Variants in FRMD4A observed in about 807,000 individuals in gnomAD.
FRMD4A encodes FERM domain containing 4A, also known as FERM domain-containing protein 4A.
In FRMD4A, 29 loss-of-function variants were observed where a neutral mutation model predicts 129.1. The ratio of observed to expected loss-of-function variants is 0.22; its 90% CI spans 0.17 to 0.31. The LOEUF is 0.31. FRMD4A is among the 10% of genes least tolerant of loss of function. FRMD4A has a pLI of 1.00. For missense variants in FRMD4A, 1,272 were observed against 1,375.8 expected, an observed-to-expected ratio of 0.92 and a Z score of 1.19; for synonymous variants, 634 against 571.6, an observed-to-expected ratio of 1.11 and a Z score of -1.56.
chr10:13,883,958 G>A (rs555919257), intron 2 of FRMD4A, among the ~76,000 whole-genome samples: 64 of 152,102 alleles, frequency 4.2e-4, no homozygotes, highest in Non-Finnish European at 5.4e-4. Flanking sequence ...CTCTCGTTCT[G>A]ACTTTATTTA....
At chr10:13,718,841 TCA>T in intron 12 of FRMD4A, among the ~76,000 whole-genome samples, 1 of 152,354 alleles carries the variant, frequency 6.6e-6, no homozygotes, top group African/African-American at 2.4e-5. Flanking sequence ...AAAGCAATGA[TCA>T]TGTGGTGCCG....
chr10:13,739,345 C>T (rs190283449), intron 11 of FRMD4A, among the ~76,000 whole-genome samples: 2 of 152,292 alleles, frequency 1.3e-5, no homozygotes, highest in African/African-American at 2.4e-5. Context: ...AACCCAATGC[C>T]ACTGCAACAG....
chr10:14,247,620 G>T (rs2132015272), intron 2 of FRMD4A, among the ~76,000 whole-genome samples: 1 of 152,270 alleles, frequency 6.6e-6, no homozygotes, highest in East Asian at 1.9e-4. Context: ...GGCAGAGGAA[G>T]CTGATACCAA....
At chr10:14,032,665 C>T (rs1833302345) in intron 2 of FRMD4A, among the ~76,000 whole-genome samples, 2 of 152,232 alleles carry the variant, frequency 1.3e-5, no homozygotes, top group South Asian at 4.1e-4. Context: ...CACCCTAAGA[C>T]GCCCACCCTT....
At chr10:13,969,680 C>T (rs2095506203) in intron 2 of FRMD4A, among the ~76,000 whole-genome samples, 2 of 152,062 alleles carry the variant, frequency 1.3e-5, no homozygotes, top group Admixed American at 6.6e-5. Context: ...GTGAGACCCC[C>T]ATCTCTACAA....
chr10:13,900,373 A>T (rs1048742813), intron 2 of FRMD4A, among the ~76,000 whole-genome samples: 24 of 152,308 alleles, frequency 1.6e-4, no homozygotes, highest in African/African-American at 5.8e-4. Flanking sequence ...GGGAATCATG[A>T]TTTAGACTGC....
At chr10:14,207,820 C>T (rs1051734811) in intron 2 of FRMD4A, among the ~76,000 whole-genome samples, 1 of 152,072 alleles carries the variant, frequency 6.6e-6, no homozygotes, top group Non-Finnish European at 1.5e-5. Context: ...CCTCTTTATA[C>T]TGTTTACATT....
chr10:14,101,505 G>T (rs2131775644), intron 2 of FRMD4A, among the ~76,000 whole-genome samples: 1 of 152,256 alleles, frequency 6.6e-6, no homozygotes, highest in East Asian at 1.9e-4. Context: ...GTGTGAATTA[G>T]TTTCAACACA....
At chr10:14,048,892 GAATAGAATAGAAAATAA>G (rs1565211167) in intron 2 of FRMD4A, among the ~76,000 whole-genome samples, 9 of 97,158 alleles carry the variant, frequency 9.3e-5, no homozygotes, top group African/African-American at 4.0e-4. Flanking sequence ...GAATAGAATA[GAATAGAATAGAAAATAA>G]AATGAAATAT....
chr10:14,124,217 T>C (rs1838699823), intron 2 of FRMD4A, among the ~76,000 whole-genome samples: 1 of 152,200 alleles, frequency 6.6e-6, no homozygotes, highest in Admixed American at 6.5e-5. Flanking sequence ...AATTCCAGCT[T>C]TCTCAAAATC....
intron 2 of FRMD4A, among the ~76,000 whole-genome samples, chr10:13,983,752 C>T (rs2095570714): frequency 6.6e-6 from 1 of 151,964 alleles, no homozygotes; most frequent in Non-Finnish European, 1.5e-5. Flanking sequence ...GTAATCCCAG[C>T]TCTTTGGGAG....
intron 2 of FRMD4A, among the ~76,000 whole-genome samples, chr10:13,905,756 C>T (rs559080411): frequency 6.6e-6 from 1 of 152,276 alleles, no homozygotes; most frequent in South Asian, 2.1e-4. Flanking sequence ...TAGAAGGAAG[C>T]AGATTTGTAT....
intron 6 of FRMD4A, among the ~76,000 whole-genome samples, chr10:13,780,048 G>A (rs7908603): frequency 0.089 from 13,558 of 152,100 alleles, 1,791 homozygotes; most frequent in African/African-American, 0.29. Flanking sequence ...TTTTAGGGCC[G>A]GGCAAGGTGG....
chr10:13,931,775 T>TTAA (rs749294138), intron 2 of FRMD4A, among the ~76,000 whole-genome samples: 10 of 129,282 alleles, frequency 7.7e-5, no homozygotes, highest in Non-Finnish European at 9.6e-5. Context: ...TCATCTTTAC[T>TTAA]AAAAAAAAAA....
At chr10:14,249,038 A>G (rs1379860098) in intron 2 of FRMD4A, among the ~76,000 whole-genome samples, 1 of 152,164 alleles carries the variant, frequency 6.6e-6, no homozygotes, top group Non-Finnish European at 1.5e-5. Flanking sequence ...TTTACAGATG[A>G]CAAAACTGAG....
At chr10:14,156,916 A>G (rs1306801531) in intron 2 of FRMD4A, among the ~76,000 whole-genome samples, 1 of 152,214 alleles carries the variant, frequency 6.6e-6, no homozygotes, top group Non-Finnish European at 1.5e-5. Context: ...GTAAAGCAAA[A>G]TAGACTTGCC....
At chr10:14,142,230 A>C (rs757695274) in intron 2 of FRMD4A, among the ~76,000 whole-genome samples, 7 of 152,240 alleles carry the variant, frequency 4.6e-5, no homozygotes, top group Non-Finnish European at 1.0e-4. Context: ...TCTGTCATGC[A>C]ATCGTGGTTA....
chr10:13,791,590 T>C (rs1263422016), intron 5 of FRMD4A, among the ~76,000 whole-genome samples: 1 of 152,108 alleles, frequency 6.6e-6, no homozygotes, highest in Non-Finnish European at 1.5e-5. Flanking sequence ...GCTGATAGGA[T>C]CTCAGAAGCT....
At chr10:13,663,603 C>T in intron 18 of FRMD4A, 94 bp from the exon 19 acceptor site, 1 of 728,178 alleles carries the variant, frequency 1.4e-6, no homozygotes, top group Admixed American at 2.0e-5. Context: ...CACCTCATAC[C>T]TTTCTCTTCC....
Sources: allele counts gnomAD v4.1 joint callset (sites outside exome capture counted in the v4.1 genomes callset), GRCh38; gene constraint gnomAD v4.1.1; transcripts MANE v1.5; gene names NCBI Gene and HGNC (gene_info 2026-07-23, HGNC 2026-07-21).